The following CEMIP2 variants were observed in gnomAD, a reference collection of about 807,000 sequenced individuals.
CEMIP2 encodes the protein cell surface hyaluronidase CEMIP2.
Under a neutral mutation model 146.9 loss-of-function variants are expected in CEMIP2, and 79 were observed. The ratio of observed to expected loss-of-function variants is 0.54; its 90% CI spans 0.45 to 0.65. The LOEUF (loss-of-function observed/expected upper bound fraction) is 0.65, where lower values mean the gene tolerates loss of function less well. CEMIP2 is among the 30% of genes least tolerant of loss of function. CEMIP2 has a pLI of 0.00. For synonymous variants in CEMIP2, 601 were observed against 606.3 expected (o/e 0.99, Z 0.13); for missense variants, 1,596 against 1,696.2 (o/e 0.94, Z 1.04).
chr9:71,733,283 G>C (rs1409059392), intron 6 of CEMIP2, among the ~76,000 whole-genome samples: 2 of 152,048 alleles, frequency 1.3e-5, no homozygotes, highest in African/African-American at 4.8e-5. Context: ...TTAATAATGA[G>C]CTTTTCACTG....
intron 1 of CEMIP2, among the ~76,000 whole-genome samples, chr9:71,764,660 A>G (rs1162904560): frequency 2.0e-5 from 3 of 152,162 alleles, no homozygotes; most frequent in African/African-American, 7.2e-5. Flanking sequence ...GCAAAAGGGC[A>G]CAGTTCACTT....
chr9:71,757,513 T>C lies in CEMIP2; in HGVS notation c.-12-7128A>G, dbSNP rs897821891. Among the ~76,000 whole-genome samples, 3 of 152,198 alleles carry C rather than the reference T, an allele frequency of 2.0e-5. 1 individual carries two copies. The South Asian group carries it at 6.2e-4, about 31-fold the overall frequency. On this transcript the variant is annotated intron_variant, in intron 1 of 23. Coordinates refer to ENST00000377044, the MANE Select transcript of CEMIP2 (RefSeq NM_013390.3). ...AGAAGATCTAACACATTCACTAGTA[T>C]GCCCAAAAAGTAAAAACATGCAGCA...
At chr9:71,696,709 G>A (rs937910460) in intron 20 of CEMIP2, among the ~76,000 whole-genome samples, 1 of 152,194 alleles carries the variant, frequency 6.6e-6, no homozygotes, top group Non-Finnish European at 1.5e-5. Context: ...AGGCAAAGTT[G>A]CAGTGAGTCG....
At chr9:71,765,159 T>G (rs1042685944) in intron 1 of CEMIP2, among the ~76,000 whole-genome samples, 10 of 152,136 alleles carry the variant, frequency 6.6e-5, no homozygotes, top group Non-Finnish European at 1.5e-4. Context: ...AGCAATACCA[T>G]ATGACAGTAA....
intron 1 of CEMIP2, among the ~76,000 whole-genome samples, chr9:71,766,301 G>A (rs1824791826): frequency 6.6e-6 from 1 of 151,838 alleles, no homozygotes; most frequent in Non-Finnish European, 1.5e-5. Flanking sequence ...TCAAACTCCC[G>A]ACCTCAGGTG....
intron 1 of CEMIP2, among the ~76,000 whole-genome samples, chr9:71,752,968 C>T (rs1221958544): frequency 1.3e-5 from 2 of 152,190 alleles, no homozygotes; most frequent in Non-Finnish European, 2.9e-5. Context: ...GAAGCTCAAG[C>T]TTCATGACAA....
chr9:71,750,222 G>A lies in CEMIP2; in HGVS notation c.152C>T (p.Ser51Phe), dbSNP rs757062400. The change falls in exon 2 of 24, where the codon TCC becomes TTC. Residue 51 changes from serine (S) to phenylalanine (F), a missense_variant. Transcript: ENST00000377044. ...GGTTGCCCGGTCTTCTCGTCTGATGGAGGTAAATTTGGCTGAAGCTTGACT... is the reference window on the plus strand; with the variant it reads ...GGTTGCCCGGTCTTCTCGTCTGATGAAGGTAAATTTGGCTGAAGCTTGACT... ...PKSQASAKFTSIRREDRATFA... is the reference protein window; with the variant it reads ...PKSQASAKFTFIRREDRATFA... The A allele has an allele frequency of 6.2e-7, 1 of 1,614,122 alleles. No homozygotes were observed. Among genetic ancestry groups the A allele is most frequent in the Non-Finnish European group, 8.5e-7 (1 of 1,180,022 alleles).
chr9:71,732,544 A>G (rs758172931), intron 6 of CEMIP2, 24 bp from the exon 7 acceptor site: 20 of 1,568,760 alleles, frequency 1.3e-5, no homozygotes, highest in Non-Finnish European at 1.7e-5. Context: ...GCAAGGAAAA[A>G]AAAGAATATT....
intron 12 of CEMIP2, among the ~76,000 whole-genome samples, chr9:71,720,047 T>C (rs544426467): frequency 5.3e-5 from 8 of 152,174 alleles, no homozygotes; most frequent in Non-Finnish European, 1.0e-4. Flanking sequence ...ACTTGGCATA[T>C]AGACAATAGT....
intron 7 of CEMIP2, among the ~76,000 whole-genome samples, chr9:71,731,144 T>C (rs998678838): frequency 1.3e-5 from 2 of 152,212 alleles, no homozygotes; most frequent in East Asian, 1.9e-4. Context: ...TAAAGGCAAA[T>C]GTAATCAGGA....
chr9:71,699,302 T>C, intron 19 of CEMIP2: 1 of 328,442 alleles, frequency 3.0e-6, no homozygotes, highest in South Asian at 2.3e-5. Flanking sequence ...AAACAAAAAT[T>C]GAAAATCAAT....
At chr9:71,758,577 C>T (rs547127933) in intron 1 of CEMIP2, among the ~76,000 whole-genome samples, 15 of 152,200 alleles carry the variant, frequency 9.9e-5, no homozygotes, top group South Asian at 4.2e-4. Flanking sequence ...GTAGATGAAC[C>T]GAACCTCACA....
At chr9:71,710,560 C>T (rs1822877411) in intron 16 of CEMIP2, among the ~76,000 whole-genome samples, 1 of 152,194 alleles carries the variant, frequency 6.6e-6, no homozygotes. Context: ...ATAGAAAACT[C>T]CAGACTGGAT....
Position 71,731,221 on chromosome 9 carries a change from G to A in CEMIP2, c.1564-307C>T, listed in dbSNP as rs996860044. 5.9e-5 allele frequency among the ~76,000 whole-genome samples: 9 copies of A among 152,124 alleles called. No individual in the cohort carries two copies. The East Asian group carries it at 1.3e-3, about 23-fold the overall frequency. ...AAATATTTTGGTCATTCCCAGTCTCGTCTTGTTCTTTCACTTCTATAACCT... is the reference window on the plus strand; with the variant it reads ...AAATATTTTGGTCATTCCCAGTCTCATCTTGTTCTTTCACTTCTATAACCT... On this transcript the variant is annotated intron_variant, in intron 7 of 23. Coordinates refer to ENST00000377044, the MANE Select transcript of CEMIP2 (RefSeq NM_013390.3).
At chr9:71,685,700 T>C in intron 23 of CEMIP2, 43 bp downstream of exon 23, 1 of 1,512,600 alleles carries the variant, frequency 6.6e-7, no homozygotes, top group Non-Finnish European at 9.2e-7. Flanking sequence ...TTACCTATGT[T>C]GCTGGCCCTG....
rs1365040795 is a variant in CEMIP2 at position 71,742,317 on chromosome 9, GAAGAA to G, written c.1035-2090_1035-2086del. ...CTCAATATATTATCTCCTATTTGGA[GAAGAA>G]AAGAGAGGAAGAATTATCACAGGCT... On this transcript the variant is annotated intron_variant, in intron 4 of 23. Transcript: ENST00000377044. 5.3e-5 allele frequency among the ~76,000 whole-genome samples: 8 copies of G among 152,320 alleles called. No individual in the cohort carries two copies. The East Asian group carries it at 1.4e-3, about 26-fold the overall frequency.
intron 2 of CEMIP2, among the ~76,000 whole-genome samples, chr9:71,747,108 A>G (rs1200763888): frequency 1.3e-5 from 2 of 152,218 alleles, no homozygotes; most frequent in Admixed American, 6.5e-5. Flanking sequence ...TTTAATTAAA[A>G]TAGCCATAGC....
Position 71,730,105 on chromosome 9 carries a change from G to A in CEMIP2, c.1922C>T (p.Thr641Ile), listed in dbSNP as rs1823572055. 1.2e-6 allele frequency: 2 copies of A among 1,614,014 alleles called. No individual in the cohort carries two copies. Among genetic ancestry groups the A allele is most frequent in the African/African-American group, 1.3e-5 (1 of 74,892 alleles). The change falls in exon 9 of 24, where the codon ACC becomes ATC. Residue 641 changes from threonine to isoleucine, a missense_variant. Transcript: ENST00000377044. ...TCCAAACACTTTATCTCGCATGGTG[G>A]TACACATGGAGTTGTTCCTATCGGT... ...LPTDRNNSMC[T>I]TMRDKVFGNY...
At chr9:71,743,544 C>T (rs1823986083) in intron 4 of CEMIP2, among the ~76,000 whole-genome samples, 1 of 152,180 alleles carries the variant, frequency 6.6e-6, no homozygotes, top group Non-Finnish European at 1.5e-5. Context: ...TCTTTCAAGT[C>T]TCTTGCCTTT....
Sources: allele counts gnomAD v4.1 joint callset (sites outside exome capture counted in the v4.1 genomes callset), GRCh38; gene constraint gnomAD v4.1.1; transcripts MANE v1.5; gene names NCBI Gene and HGNC (gene_info 2026-07-23, HGNC 2026-07-21).